NR6A1: variants seen among roughly 807,000 people sequenced by gnomAD.
NR6A1 encodes the protein retinoic acid receptor-related testis-associated receptor.
Under a neutral mutation model 59.1 loss-of-function variants are expected in NR6A1, and 7 were observed. The observed-to-expected ratio is 0.12, with a 90% CI of 0.07 to 0.22. The LOEUF is 0.22. NR6A1 is among the 10% of genes least tolerant of loss of function. The probability of loss-of-function intolerance (pLI) is 1.00; values close to 1 mark genes in which losing one functional copy is unlikely to be tolerated. For missense variants in NR6A1, 468 were observed against 611.6 expected, an observed-to-expected ratio of 0.77 and a Z score of 2.48; for synonymous variants, 243 against 236.1, an observed-to-expected ratio of 1.03 and a Z score of -0.27.
chr9:124,636,085 T>C (rs1836602525), intron 2 of NR6A1, among the ~76,000 whole-genome samples: 2 of 152,222 alleles, frequency 1.3e-5, no homozygotes, highest in South Asian at 4.1e-4. Flanking sequence ...TTGTTTTAAT[T>C]TGCACTTCCC....
At chr9:124,669,749 A>G (rs143498749) in intron 2 of NR6A1, among the ~76,000 whole-genome samples, 82 of 152,294 alleles carry the variant, frequency 5.4e-4, no homozygotes, top group African/African-American at 1.8e-3. Context: ...GGTGCATACC[A>G]CCATGCCCGG....
intron 9 of NR6A1, among the ~76,000 whole-genome samples, chr9:124,523,348 T>C (rs903920329): frequency 1.3e-5 from 2 of 152,182 alleles, no homozygotes; most frequent in African/African-American, 4.8e-5. Context: ...ATTGAAGGAC[T>C]TCTCAGAGCA....
At chr9:124,650,843 T>C (rs748752415) in intron 2 of NR6A1, among the ~76,000 whole-genome samples, 4 of 152,200 alleles carry the variant, frequency 2.6e-5, no homozygotes, top group Non-Finnish European at 5.9e-5. Context: ...CTCTACCATC[T>C]CTTTTTAAAC....
At chr9:124,540,655 T>C (rs747113806) in intron 4 of NR6A1, among the ~76,000 whole-genome samples, 1 of 152,088 alleles carries the variant, frequency 6.6e-6, no homozygotes, top group Non-Finnish European at 1.5e-5. Context: ...AAAAATTAGT[T>C]GGGCCTGGTG....
chr9:124,599,431 A>G (rs1835383269), intron 2 of NR6A1: 6 of 408,254 alleles, frequency 1.5e-5, no homozygotes, highest in South Asian at 1.2e-4. Flanking sequence ...AAAAAAAAAA[A>G]AAAAAGTTCC....
intron 2 of NR6A1, among the ~76,000 whole-genome samples, chr9:124,647,797 G>A (rs1836981496): frequency 6.7e-6 from 1 of 150,366 alleles, no homozygotes; most frequent in South Asian, 2.1e-4. Flanking sequence ...ACAATAATGA[G>A]TAGCAAGAAA....
At chr9:124,603,646 G>A (rs1028530057) in intron 2 of NR6A1, among the ~76,000 whole-genome samples, 2 of 152,114 alleles carry the variant, frequency 1.3e-5, no homozygotes, top group African/African-American at 2.4e-5. Flanking sequence ...ACTGGATTCC[G>A]AAATATGAGA....
At chr9:124,692,317 T>C (rs1838577298) in intron 2 of NR6A1, 1 of 295,112 alleles carries the variant, frequency 3.4e-6, no homozygotes, top group Middle Eastern at 8.3e-4. Flanking sequence ...ATTAGTTCTC[T>C]GCTGCACACA....
chr9:124,676,749 T>C (rs1837974501), intron 2 of NR6A1, among the ~76,000 whole-genome samples: 1 of 152,184 alleles, frequency 6.6e-6, no homozygotes. Flanking sequence ...AGTATCCAGA[T>C]CCTCAGTAAC....
intron 2 of NR6A1, chr9:124,598,780 CT>C: frequency 1.1e-6 from 1 of 920,022 alleles, no homozygotes; most frequent in Non-Finnish European, 1.8e-6. Context: ...TTTTCCGCCA[CT>C]TTTTCGGCAT....
chr9:124,714,690 A>G (rs1382744079), intron 2 of NR6A1, among the ~76,000 whole-genome samples: 1 of 152,252 alleles, frequency 6.6e-6, no homozygotes, highest in Non-Finnish European at 1.5e-5. Flanking sequence ...ACAATGTCAC[A>G]AGATACAAAT....
chr9:124,559,138 G>T (rs1056598388), intron 2 of NR6A1, among the ~76,000 whole-genome samples: 3 of 152,068 alleles, frequency 2.0e-5, no homozygotes, highest in Non-Finnish European at 4.4e-5. Context: ...CAGTAACTTC[G>T]AGACATATTA....
intron 2 of NR6A1, among the ~76,000 whole-genome samples, chr9:124,594,302 C>T (rs986795922): frequency 6.6e-6 from 1 of 152,184 alleles, no homozygotes; most frequent in Admixed American, 6.5e-5. Flanking sequence ...CTAAGAAGAA[C>T]TGAAGTTTCA....
At chr9:124,527,623 G>A (rs1832976596) in intron 7 of NR6A1, among the ~76,000 whole-genome samples, 1 of 152,158 alleles carries the variant, frequency 6.6e-6, no homozygotes, top group South Asian at 2.1e-4. Flanking sequence ...GGGAGGGTCT[G>A]GTCCACAAAT....
At chr9:124,668,196 A>T (rs922610118) in intron 2 of NR6A1, among the ~76,000 whole-genome samples, 1 of 152,236 alleles carries the variant, frequency 6.6e-6, no homozygotes, top group African/African-American at 2.4e-5. Flanking sequence ...TAAGAAAATC[A>T]TAAGGAACAC....
At chr9:124,535,074 A>G (rs1833215571) in intron 7 of NR6A1, among the ~76,000 whole-genome samples, 1 of 152,022 alleles carries the variant, frequency 6.6e-6, no homozygotes, top group Non-Finnish European at 1.5e-5. Context: ...CAGTGAGCCA[A>G]GATTGCACCA....
At chr9:124,616,411 A>C (rs1835893140) in intron 2 of NR6A1, among the ~76,000 whole-genome samples, 1 of 150,882 alleles carries the variant, frequency 6.6e-6, no homozygotes, top group African/African-American at 2.4e-5. Flanking sequence ...TCAAAAAAAA[A>C]AAAAAAAAAA....
At chr9:124,711,145 G>T (rs962952641) in intron 2 of NR6A1, among the ~76,000 whole-genome samples, 1 of 133,280 alleles carries the variant, frequency 7.5e-6, no homozygotes, top group African/African-American at 2.9e-5. Context: ...GCAGGAACAT[G>T]CAAGTTAAGT....
chr9:124,669,968 A>G (rs574798430), intron 2 of NR6A1, among the ~76,000 whole-genome samples: 1 of 152,224 alleles, frequency 6.6e-6, no homozygotes, highest in Non-Finnish European at 1.5e-5. Context: ...TTAAGATTAC[A>G]GCAAGTTAGA....
Sources: allele counts gnomAD v4.1 joint callset (sites outside exome capture counted in the v4.1 genomes callset), GRCh38; gene constraint gnomAD v4.1.1; transcripts MANE v1.5; gene names NCBI Gene and HGNC (gene_info 2026-07-23, HGNC 2026-07-21).